Variants in FCF1 observed in about 807,000 individuals in gnomAD.
The protein encoded by FCF1 is FCF1 rRNA-processing protein.
In FCF1, 17 loss-of-function variants were observed where a neutral mutation model predicts 32.5. That is an observed-to-expected ratio of 0.52 (90% CI 0.36 to 0.78). The LOEUF (loss-of-function observed/expected upper bound fraction) is 0.78. FCF1 is among the 30% of genes least tolerant of loss of function. The pLI is 0.00. For synonymous variants in FCF1, 84 were observed against 78.4 expected, an observed-to-expected ratio of 1.07 and a Z score of -0.38; for missense variants, 201 against 241.1, an observed-to-expected ratio of 0.83 and a Z score of 1.10.
chr14:74,731,799 T>C (rs2090641181), intron 5 of FCF1, among the ~76,000 whole-genome samples: 1 of 152,204 alleles, frequency 6.6e-6, no homozygotes, highest in Non-Finnish European at 1.5e-5. Context: ...TGGAGGAGTA[T>C]TTGTGTTGCA....
chr14:74,722,916 C>T (rs1047198410), intron 4 of FCF1, among the ~76,000 whole-genome samples: 1 of 151,898 alleles, frequency 6.6e-6, no homozygotes, highest in African/African-American at 2.4e-5. Context: ...GAGTTGAGAT[C>T]GTGCCACTGC....
chr14:74,717,562 GAAAT>G (rs1331272297), intron 4 of FCF1, among the ~76,000 whole-genome samples: 2 of 152,116 alleles, frequency 1.3e-5, no homozygotes, highest in Non-Finnish European at 2.9e-5. Context: ...ATAAACTTTT[GAAAT>G]AAATCTTTTA....
intron 4 of FCF1, among the ~76,000 whole-genome samples, chr14:74,722,377 T>TTGCCACTCTTCTAGG (rs2140027283): frequency 6.6e-6 from 1 of 152,234 alleles, no homozygotes; most frequent in South Asian, 2.1e-4. Context: ...TGTTTAATCT[T>TTGCCACTCTTCTAGG]TGCCACTCTT....
intron 5 of FCF1, among the ~76,000 whole-genome samples, chr14:74,730,156 T>G (rs1486293276): frequency 6.6e-6 from 1 of 151,526 alleles, no homozygotes; most frequent in Non-Finnish European, 1.5e-5. Flanking sequence ...TTATCTAAAG[T>G]CTAAAAACAT....
chr14:74,727,306 G>T (rs1393540172), intron 5 of FCF1, among the ~76,000 whole-genome samples: 8 of 151,250 alleles, frequency 5.3e-5, no homozygotes, highest in Non-Finnish European at 1.0e-4. Context: ...ATTCTAACTG[G>T]TGTGAGATGG....
rs1246620589 is a variant in FCF1, at chr14:74,737,021, G to T, written c.*2091G>T. 1.3e-5 allele frequency: 2 copies of T among 152,080 alleles called. No homozygotes were observed. Among genetic ancestry groups the T allele is most frequent in the East Asian group, 1.9e-4 (1 of 5,198 alleles). The allele number at this position is 152,080 out of a possible 1,614,324, so 9.4% of individuals were successfully genotyped here. On this transcript the variant is annotated 3_prime_UTR_variant, in exon 8 of 8. Coordinates refer to ENST00000341162, the MANE Select transcript of FCF1 (RefSeq NM_015962.5). ...TTGAGCTAATCTTAAAAATGAATAG[G>T]TGCCTCCCCAGTAAATTAGGAATGG...
intron 2 of FCF1, among the ~76,000 whole-genome samples, chr14:74,714,266 C>T (rs949355932): frequency 5.9e-5 from 9 of 152,098 alleles, no homozygotes; most frequent in Non-Finnish European, 1.3e-4. Context: ...CCAGCCTGGC[C>T]AACACGGTGA....
intron 4 of FCF1, among the ~76,000 whole-genome samples, chr14:74,721,868 T>G (rs1201089802): frequency 6.6e-6 from 1 of 152,186 alleles, no homozygotes; most frequent in Non-Finnish European, 1.5e-5. Flanking sequence ...AATATCCTTA[T>G]GAATATGTCT....
At chr14:74,727,392 G>A (rs1194479086) in intron 5 of FCF1, among the ~76,000 whole-genome samples, 1 of 152,116 alleles carries the variant, frequency 6.6e-6, no homozygotes, top group Admixed American at 6.6e-5. Context: ...TTTTTTGGCT[G>A]CATAAATGTC....
At chr14:74,723,377 T>C (rs1190917697) in intron 5 of FCF1, 33 bp downstream of exon 5, 3 of 1,440,480 alleles carry the variant, frequency 2.1e-6, no homozygotes, top group Non-Finnish European at 2.9e-6. Flanking sequence ...CTGTTCTAGA[T>C]TGGTATACTG....
chr14:74,715,783 GATA>G, intron 3 of FCF1, 165 bp from the exon 4 acceptor site: 1 of 1,498,168 alleles, frequency 6.7e-7, no homozygotes, highest in South Asian at 1.2e-5. Context: ...CTGAGATTAA[GATA>G]ATGATATTAC....
At chr14:74,732,206 T>A (rs953041859) in intron 5 of FCF1, among the ~76,000 whole-genome samples, 1 of 152,110 alleles carries the variant, frequency 6.6e-6, no homozygotes, top group Admixed American at 6.6e-5. Flanking sequence ...CAGTTTAGTG[T>A]AGGTCCTTCC....
At chr14:74,717,797 A>T (rs933013123) in intron 4 of FCF1, among the ~76,000 whole-genome samples, 1 of 152,044 alleles carries the variant, frequency 6.6e-6, no homozygotes, top group Non-Finnish European at 1.5e-5. Flanking sequence ...TTGACTCTAT[A>T]CCTCCACCAG....
intron 4 of FCF1, 55 bp downstream of exon 4, chr14:74,716,154 T>G: frequency 6.5e-7 from 1 of 1,533,556 alleles, no homozygotes; most frequent in Non-Finnish European, 9.0e-7. Context: ...ATTATATTTA[T>G]ACAAATACAT....
chr14:74,721,087 C>T (rs952470694), intron 4 of FCF1, among the ~76,000 whole-genome samples: 3 of 150,936 alleles, frequency 2.0e-5, no homozygotes, highest in Non-Finnish European at 4.4e-5. Context: ...CTCTGTTACC[C>T]GGGTTGGAGT....
intron 3 of FCF1, among the ~76,000 whole-genome samples, chr14:74,715,338 C>A (rs1482577287): frequency 6.6e-6 from 1 of 151,970 alleles, no homozygotes; most frequent in Non-Finnish European, 1.5e-5. Flanking sequence ...AAAGGTATTT[C>A]ATTCCTTTTA....
intron 6 of FCF1, among the ~76,000 whole-genome samples, 190 bp from the exon 7 acceptor site, chr14:74,733,886 T>A (rs2090669919): frequency 6.6e-6 from 1 of 152,174 alleles, no homozygotes; most frequent in Admixed American, 6.5e-5. Context: ...AGGCAACTTG[T>A]TTATTTTATA....
intron 5 of FCF1, among the ~76,000 whole-genome samples, chr14:74,727,014 C>T (rs989487812): frequency 2.6e-5 from 4 of 151,966 alleles, no homozygotes; most frequent in East Asian, 1.9e-4. Flanking sequence ...CATTGTTGGA[C>T]ATTTGGGTTG....
intron 5 of FCF1, among the ~76,000 whole-genome samples, 166 bp downstream of exon 5, chr14:74,723,510 T>C (rs956591967): frequency 1.3e-5 from 2 of 152,092 alleles, no homozygotes; most frequent in African/African-American, 4.8e-5. Flanking sequence ...TCAGTTCCAG[T>C]TAGAGTGTCT....
Sources: gnomAD v4.1 joint callset for allele counts (sites outside exome capture counted in the v4.1 genomes callset) on GRCh38, gnomAD v4.1.1 for gene constraint, MANE v1.5 for transcripts, NCBI Gene and HGNC (gene_info 2026-07-23, HGNC 2026-07-21) for gene names.